The following CACNA1E variants were observed in gnomAD, a reference collection of about 807,000 sequenced individuals.
CACNA1E encodes the protein voltage-dependent R-type calcium channel subunit alpha-1E.
A neutral mutation model predicts 259.2 loss-of-function variants in CACNA1E; 40 were observed. The observed-to-expected ratio is 0.15, with a 90% confidence interval of 0.12 to 0.20. The LOEUF (loss-of-function observed/expected upper bound fraction) is 0.20, where lower values mean the gene tolerates loss of function less well. Ranked by LOEUF, CACNA1E falls within the 10% of genes least tolerant of loss-of-function variation. The pLI is 1.00. For synonymous variants in CACNA1E, 1,104 were observed against 1,138.5 expected, an observed-to-expected ratio of 0.97 and a Z score of 0.61; for missense variants, 1,874 against 3,040.1, an observed-to-expected ratio of 0.62 and a Z score of 9.02.
chr1:181,419,344 A>G (rs1358822793), intron 2 of CACNA1E, among the ~76,000 whole-genome samples: 1 of 152,052 alleles, frequency 6.6e-6, no homozygotes, highest in Non-Finnish European at 1.5e-5. Context: ...CAGACCTCCC[A>G]CATCAGGCCT....
chr1:181,334,861 G>C (rs1052069324), intron 1 of CACNA1E, among the ~76,000 whole-genome samples: 5 of 152,194 alleles, frequency 3.3e-5, no homozygotes, highest in Admixed American at 1.3e-4. Context: ...ATCTTACTGA[G>C]AGTAGAAGTT....
chr1:181,565,729 T>C (rs1040881782), intron 3 of CACNA1E, among the ~76,000 whole-genome samples: 2 of 152,194 alleles, frequency 1.3e-5, no homozygotes, highest in Non-Finnish European at 2.9e-5. Flanking sequence ...TAGCTAATCA[T>C]GGGGCTTGGA....
intron 3 of CACNA1E, among the ~76,000 whole-genome samples, chr1:181,545,361 G>T (rs1407492192): frequency 6.6e-6 from 1 of 152,346 alleles, no homozygotes; most frequent in East Asian, 1.9e-4. Flanking sequence ...GTATCTCAAA[G>T]TATTTTGTCA....
intron 1 of CACNA1E, among the ~76,000 whole-genome samples, chr1:181,334,276 C>A (rs1198563455): frequency 6.6e-6 from 1 of 152,192 alleles, no homozygotes; most frequent in Admixed American, 6.5e-5. Flanking sequence ...TGTCATCAAC[C>A]AGCTGTGAGC....
rs1662286980 is a variant in CACNA1E at position 181,801,681 on chromosome 1, G to A, written c.*2847G>A. On this transcript the variant is annotated 3_prime_UTR_variant, in exon 48 of 48. Transcript: ENST00000367573. ...CTGCCTCCCTTGAAAAGAGGCCCCT[G>A]TAGACCCCAACACCTATTCTTTTCT... The A allele has an allele frequency of 6.6e-6, 1 of 152,164 alleles. No homozygotes were observed. The highest frequency in any genetic ancestry group is 1.5e-5 in the Non-Finnish European group (1 of 68,028). 9.4% of individuals were successfully genotyped at this position (152,164 alleles called of 1,614,324 possible). A position where few individuals can be genotyped will look rare whatever the true frequency, so the allele number is the denominator to read the frequency against.
At chr1:181,407,021 T>A (rs570860702) in intron 1 of CACNA1E, among the ~76,000 whole-genome samples, 99 of 152,346 alleles carry the variant, frequency 6.5e-4, no homozygotes, top group Admixed American at 2.2e-3. Flanking sequence ...GAGCTTCTGA[T>A]ACCAGAATAC....
Position 181,794,875 on chromosome 1 carries a change from C to T in CACNA1E, c.6039C>T (p.Asp2013=). The change falls in exon 46 of 48, where the codon GAC becomes GAT. Residue 2013 remains aspartate, a synonymous_variant. Transcript: ENST00000367573. ...GCTTGTATTTCCAGGTGGTGACAGA[C>T]CCTAGCTCCATGAGACGTTCATTTT... ...RLTVDPQVVT[D]PSSMRRSFST... 1 of 1,612,736 alleles carries T rather than the reference C, an allele frequency of 6.2e-7. No individual in the cohort carries two copies.
At chr1:181,777,883 G>A (rs1283146718) in intron 38 of CACNA1E, among the ~76,000 whole-genome samples, 15 of 152,294 alleles carry the variant, frequency 9.8e-5, no homozygotes, top group Middle Eastern at 3.4e-3. Context: ...AACCAACTGT[G>A]AGCAAAAAAG....
rs1042841426 is a variant in CACNA1E at position 181,802,808 on chromosome 1, C to T, written c.*3974C>T. On this transcript the variant is annotated 3_prime_UTR_variant, in exon 48 of 48. Coordinates refer to ENST00000367573, the MANE Select transcript of CACNA1E (RefSeq NM_001205293.3). Reference sequence around the variant, plus strand: ...TTTTAAAAAGTTGTTCTCAATTTTTCATTACATCCTACTTCTCAGCCCTCT... The same window carrying T: ...TTTTAAAAAGTTGTTCTCAATTTTTTATTACATCCTACTTCTCAGCCCTCT... 2.6e-5 allele frequency: 4 copies of T among 152,168 alleles called. No individual in the cohort carries two copies. Among genetic ancestry groups the T allele is most frequent in the Admixed American group, 2.0e-4 (3 of 15,284 alleles). 9.4% of individuals were successfully genotyped at this position (152,168 alleles called of 1,614,324 possible). A position where few individuals can be genotyped will look rare whatever the true frequency, so the allele number is the denominator to read the frequency against.
At chr1:181,543,939 A>G (rs1054462327) in intron 3 of CACNA1E, among the ~76,000 whole-genome samples, 1 of 152,222 alleles carries the variant, frequency 6.6e-6, no homozygotes, top group East Asian at 1.9e-4. Flanking sequence ...AATGTTAAAC[A>G]TGGACCATAT....
intron 7 of CACNA1E, among the ~76,000 whole-genome samples, chr1:181,672,261 G>A (rs559558216): frequency 6.6e-6 from 1 of 152,028 alleles, no homozygotes; most frequent in South Asian, 2.1e-4. Context: ...GGAGGGAGAG[G>A]AGCAAAAAAC....
intron 45 of CACNA1E, among the ~76,000 whole-genome samples, chr1:181,794,538 C>T (rs1572912277): frequency 6.6e-6 from 1 of 152,350 alleles, no homozygotes; most frequent in Non-Finnish European, 1.5e-5. Context: ...GTATTTGCTG[C>T]AGCCTGGCTG....
intron 2 of CACNA1E, among the ~76,000 whole-genome samples, chr1:181,461,729 G>A (rs1353809478): frequency 6.6e-6 from 1 of 151,512 alleles, no homozygotes; most frequent in Non-Finnish European, 1.5e-5. Flanking sequence ...TCTGAGGGTG[G>A]CTGATGTGAA....
chr1:181,726,726 A>G (rs926338880), intron 18 of CACNA1E, among the ~76,000 whole-genome samples: 6 of 152,296 alleles, frequency 3.9e-5, no homozygotes, highest in Admixed American at 3.9e-4. Context: ...ACACTTTTAA[A>G]AAGGTCACTC....
At chr1:181,441,037 A>C (rs1660440221) in intron 2 of CACNA1E, among the ~76,000 whole-genome samples, 1 of 147,144 alleles carries the variant, frequency 6.8e-6, no homozygotes, top group Non-Finnish European at 1.5e-5. Context: ...GCTCTTCCCA[A>C]AGTCTGGAAA....
intron 1 of CACNA1E, among the ~76,000 whole-genome samples, chr1:181,500,586 C>T (rs1337304546): frequency 5.3e-5 from 8 of 152,320 alleles, no homozygotes; most frequent in Non-Finnish European, 1.2e-4. Context: ...GATCTGTCTT[C>T]GGATGGGTAC....
intron 26 of CACNA1E, among the ~76,000 whole-genome samples, chr1:181,751,003 C>A (rs889760362): frequency 1.3e-5 from 2 of 151,912 alleles, no homozygotes; most frequent in Non-Finnish European, 2.9e-5. Flanking sequence ...GGGTAGGTAT[C>A]GCAGGAAGGT....
At chr1:181,562,449 CT>C (rs1367854640) in intron 3 of CACNA1E, among the ~76,000 whole-genome samples, 1 of 152,086 alleles carries the variant, frequency 6.6e-6, no homozygotes, top group Non-Finnish European at 1.5e-5. Flanking sequence ...CATCCCTTGC[CT>C]TTTTTGATAC....
chr1:181,699,177 T>A (rs959989604), intron 7 of CACNA1E, among the ~76,000 whole-genome samples: 1 of 152,226 alleles, frequency 6.6e-6, no homozygotes, highest in Non-Finnish European at 1.5e-5. Flanking sequence ...AACGTTCTGA[T>A]GCCTTTATCC....
Sources: gnomAD v4.1 joint callset for allele counts (sites outside exome capture counted in the v4.1 genomes callset) on GRCh38, gnomAD v4.1.1 for gene constraint, MANE v1.5 for transcripts, NCBI Gene and HGNC (gene_info 2026-07-23, HGNC 2026-07-21) for gene names.